The following WDR33 variants were observed in gnomAD, a reference collection of about 807,000 sequenced individuals.
WDR33 encodes the protein pre-mRNA 3' end processing protein WDR33.
A neutral mutation model predicts 164.9 loss-of-function variants in WDR33; 47 were observed. That is an observed-to-expected ratio of 0.29 (90% CI 0.23 to 0.36). The LOEUF (loss-of-function observed/expected upper bound fraction) is 0.36. Among genes scored for constraint, WDR33 ranks in the 10% least tolerant of loss-of-function variants. The pLI is 1.00. For synonymous variants in WDR33, 505 were observed against 589.0 expected, an observed-to-expected ratio of 0.86 and a Z score of 2.06; for missense variants, 1,137 against 1,754.1, an observed-to-expected ratio of 0.65 and a Z score of 6.28.
At position 127,726,838 on chromosome 2, in the gene WDR33, C is replaced by T; in HGVS notation, c.725-61G>A. On this transcript the variant is annotated intron_variant, in intron 7 of 21. Transcript: ENST00000322313. This position sits in a 1 kb window ranked among gnomAD's most constrained non-coding sequence, Gnocchi z 4.8. ...TTACATGCATTTAAAGCAATTTAAA[C>T]CAAAGTAGAGAAACCTAGTAAATGT... is the stretch of plus-strand genomic sequence containing the variant. The T allele has an allele frequency of 1.3e-6, 2 of 1,593,130 alleles. No homozygotes were observed. The highest frequency in any genetic ancestry group is 2.3e-5 in the South Asian group (2 of 88,326).
Position 127,723,711 on chromosome 2 carries a change from T to A in WDR33, c.1197-364A>T, listed in dbSNP as rs1686494455. On this transcript the variant is annotated intron_variant, in intron 11 of 21. Coordinates refer to ENST00000322313, the MANE Select transcript of WDR33 (RefSeq NM_018383.5). This position sits in a 1 kb window ranked among gnomAD's most constrained non-coding sequence, Gnocchi z 5.9. ...AGGAGTTTGAGGCTACAGTGAGCTG[T>A]GATCTCACCACAGAACTCTAGTCTC... is the stretch of plus-strand genomic sequence containing the variant. 1.3e-5 allele frequency among the ~76,000 whole-genome samples: 2 copies of A among 151,706 alleles called. No individual in the cohort carries two copies. Among genetic ancestry groups the A allele is most frequent in the Admixed American group, 1.3e-4 (2 of 15,210 alleles).
At chr2:127,755,051 C>T (rs72968982) in intron 7 of WDR33, among the ~76,000 whole-genome samples, 2,519 of 152,234 alleles carry the variant, frequency 0.017, 20 homozygotes, top group East Asian at 0.029. Flanking sequence ...AGAGTTCACA[C>T]CAATCATCTA....
rs1437511278 is a variant in WDR33, at chr2:127,763,413, A to C, written c.627-254T>G. Reference sequence around the variant, plus strand: ...CTTCAAGTGTGTATTATTAGTGCTAATGCTATCCATGTTCCTTCTCTATTT... The same window carrying C: ...CTTCAAGTGTGTATTATTAGTGCTACTGCTATCCATGTTCCTTCTCTATTT... On this transcript the variant is annotated intron_variant, in intron 6 of 21. Transcript: ENST00000322313. This position sits in a 1 kb window ranked among gnomAD's most constrained non-coding sequence, Gnocchi z 4.5. The C allele has an allele frequency of 2.2e-5, 28 of 1,249,870 alleles. No homozygotes were observed. The highest frequency in any genetic ancestry group is 2.8e-5 in the Non-Finnish European group (28 of 990,090). The allele number at this position is 1,249,870 out of a possible 1,614,324, so 77.4% of individuals were successfully genotyped here. A position where few individuals can be genotyped will look rare whatever the true frequency, so the allele number is the denominator to read the frequency against.
intron 7 of WDR33, among the ~76,000 whole-genome samples, chr2:127,758,453 T>C (rs905545571): frequency 2.6e-5 from 4 of 152,176 alleles, no homozygotes; most frequent in African/African-American, 9.7e-5. Context: ...ATTTGTAAAA[T>C]GGGAAACAAT....
chr2:127,703,465 A>G lies in WDR33; in HGVS notation c.*2858T>C, dbSNP rs1018195614. 3 of 166,956 alleles carry G rather than the reference A, an allele frequency of 1.8e-5. No homozygotes were observed. The highest frequency in any genetic ancestry group is 3.9e-4 in the East Asian group (2 of 5,192). The allele number at this position is 166,956 out of a possible 1,614,324, so 10.3% of individuals were successfully genotyped here. A position where few individuals can be genotyped will look rare whatever the true frequency, so the allele number is the denominator to read the frequency against. On this transcript the variant is annotated 3_prime_UTR_variant, in exon 22 of 22. Transcript: ENST00000322313. The stretch of plus-strand genomic sequence containing the variant: ...CAGTAGAGCACTGCTGCTTCCTCCA[A>G]CCCCAAAATTTATGTTCCTAAGTAA...
chr2:127,781,015 C>T (rs1182245451), intron 1 of WDR33, among the ~76,000 whole-genome samples: 3 of 152,044 alleles, frequency 2.0e-5, no homozygotes, highest in Admixed American at 2.0e-4. Flanking sequence ...CGTGCCCCAC[C>T]ACACCCGGCT....
At chr2:127,807,438 G>A (rs1689479901) in intron 1 of WDR33, among the ~76,000 whole-genome samples, 1 of 152,294 alleles carries the variant, frequency 6.6e-6, no homozygotes, top group South Asian at 2.1e-4. Flanking sequence ...ACTGCCTAAA[G>A]CACAGTTTTG....
intron 1 of WDR33, among the ~76,000 whole-genome samples, chr2:127,806,059 C>T (rs1267800675): frequency 6.6e-6 from 1 of 151,764 alleles, no homozygotes; most frequent in African/African-American, 2.4e-5. Context: ...CTGCAGTGAG[C>T]TGTGATTGTG....
At chr2:127,788,344 G>T (rs1688687699) in intron 1 of WDR33, among the ~76,000 whole-genome samples, 1 of 113,466 alleles carries the variant, frequency 8.8e-6, no homozygotes, top group Non-Finnish European at 1.9e-5. Flanking sequence ...CGGGCAGAGG[G>T]GCTCCTCACT....
intron 1 of WDR33, among the ~76,000 whole-genome samples, chr2:127,800,636 CAAAAAA>C: frequency 1.0e-5 from 1 of 95,578 alleles, no homozygotes; most frequent in African/African-American, 4.0e-5. Flanking sequence ...GACTCCGTCT[CAAAAAA>C]AAAAAAAAAA....
At chr2:127,787,164 AG>A (rs1688610045) in intron 1 of WDR33, among the ~76,000 whole-genome samples, 1 of 90,858 alleles carries the variant, frequency 1.1e-5, no homozygotes, top group African/African-American at 5.1e-5. Flanking sequence ...CAGAGAGCAC[AG>A]GGTTGGGGGT....
At chr2:127,773,251 A>C (rs1190221187) in intron 1 of WDR33, among the ~76,000 whole-genome samples, 1 of 152,208 alleles carries the variant, frequency 6.6e-6, no homozygotes, top group African/African-American at 2.4e-5. Context: ...TGTGGCCACC[A>C]TTATTTGTCT....
intron 7 of WDR33, 110 bp downstream of exon 7, chr2:127,762,952 T>C (rs1025293311): frequency 1.0e-5 from 16 of 1,543,814 alleles, no homozygotes; most frequent in African/African-American, 2.8e-5. Context: ...GGTGTGTATA[T>C]GTAAAAAAAA....
chr2:127,748,362 A>G (rs1687224830), intron 7 of WDR33, among the ~76,000 whole-genome samples: 1 of 152,218 alleles, frequency 6.6e-6, no homozygotes, highest in African/African-American at 2.4e-5. Flanking sequence ...GGGTATTCAC[A>G]CTTGTAAATA....
Position 127,741,711 on chromosome 2 carries a change from T to C in WDR33, c.725-14934A>G, listed in dbSNP as rs1017896111. ...TACCAGGAAAGAGAAAAATACAGAT[T>C]ATATGACTTTAGGGAAAACAAACAG... On this transcript the variant is annotated intron_variant, in intron 7 of 21. Transcript: ENST00000322313. This position sits in a 1 kb window ranked among gnomAD's most constrained non-coding sequence, Gnocchi z 4.1. Among the ~76,000 whole-genome samples the C allele has an allele frequency of 6.6e-6, 1 of 152,102 alleles. No homozygotes were observed. The highest frequency in any genetic ancestry group is 2.4e-5 in the African/African-American group (1 of 41,416).
intron 7 of WDR33, among the ~76,000 whole-genome samples, chr2:127,757,926 C>T (rs866623097): frequency 6.6e-6 from 1 of 152,154 alleles, no homozygotes; most frequent in African/African-American, 2.4e-5. Context: ...AAGGGGCACA[C>T]AGAGACTTAA....
chr2:127,719,894 G>A lies in WDR33; in HGVS notation c.2131C>T (p.Pro711Ser), dbSNP rs776791209. 43 of 1,613,742 alleles carry A rather than the reference G, an allele frequency of 2.7e-5. No individual in the cohort carries two copies. Among genetic ancestry groups the A allele is most frequent in the Non-Finnish European group, 3.3e-5 (39 of 1,179,980 alleles). ...GGGCCTATGTGACCCTGTGGGCCAG[G>A]TGGACCCTGAGGACCCATATGACCT... Reference protein sequence around the residue: ...PQGHMGPQGPPGPQGHIGPQG... With the variant: ...PQGHMGPQGPSGPQGHIGPQG... Residue 711 changes from proline to serine, a missense_variant, in exon 16 of 22, where the codon CCT becomes TCT. Pro to Ser is a moderately conservative substitution (Grantham distance 74). Coordinates refer to ENST00000322313, the MANE Select transcript of WDR33 (RefSeq NM_018383.5). This position sits in a 1 kb window ranked among gnomAD's most constrained non-coding sequence, Gnocchi z 6.5.
rs1030919182 is a variant in WDR33, at chr2:127,701,121, T to A, written c.*5202A>T. 1 of 158,466 alleles carries A rather than the reference T, an allele frequency of 6.3e-6. No individual in the cohort carries two copies. Among genetic ancestry groups the A allele is most frequent in the Non-Finnish European group, 1.4e-5 (1 of 72,392 alleles). 9.8% of individuals were successfully genotyped at this position (158,466 alleles called of 1,614,324 possible). ...TGTGTACCCTTTACCCATTCCTCCATGTTGCAAAACTAGCACAATATCACC... is the reference window on the plus strand; with the variant it reads ...TGTGTACCCTTTACCCATTCCTCCAAGTTGCAAAACTAGCACAATATCACC... On this transcript the variant is annotated 3_prime_UTR_variant, in exon 22 of 22. Coordinates refer to ENST00000322313, the MANE Select transcript of WDR33 (RefSeq NM_018383.5).
At chr2:127,737,890 A>C in intron 7 of WDR33, 1 of 1,499,484 alleles carries the variant, frequency 6.7e-7, no homozygotes, top group East Asian at 2.4e-5. Flanking sequence ...TAGTTAACCC[A>C]TAGCCATCCA....
Sources: gnomAD v4.1 joint callset for allele counts (sites outside exome capture counted in the v4.1 genomes callset) on GRCh38, gnomAD v4.1.1 for gene constraint, Gnocchi (gnomAD v3.1) non-coding constraint, MANE v1.5 for transcripts, NCBI Gene and HGNC (gene_info 2026-07-23, HGNC 2026-07-21) for gene names.